CDH13: variants seen among roughly 807,000 people sequenced by gnomAD.
CDH13 encodes the protein cadherin 13, also known as cadherin-13.
A neutral mutation model predicts 63.8 loss-of-function variants in CDH13; 24 were observed. The observed-to-expected ratio is 0.38, with a 90% CI of 0.27 to 0.53. CDH13 has a LOEUF of 0.53. Ranked by LOEUF, CDH13 falls within the 20% of genes least tolerant of loss-of-function variation. The pLI is 0.85. For missense variants in CDH13, 1,049 were observed against 903.1 expected, an observed-to-expected ratio of 1.16 and a Z score of -2.07; for synonymous variants, 503 against 355.3, an observed-to-expected ratio of 1.42 and a Z score of -4.67.
intron 4 of CDH13, among the ~76,000 whole-genome samples, chr16:83,160,844 G>C (rs1037365385): frequency 6.6e-6 from 1 of 152,130 alleles, no homozygotes; most frequent in Admixed American, 6.5e-5. Context: ...TTAAACATCA[G>C]GTGAGAAAAA....
chr16:83,150,770 C>G (rs2036945797), intron 4 of CDH13, among the ~76,000 whole-genome samples: 1 of 152,186 alleles, frequency 6.6e-6, no homozygotes, highest in African/African-American at 2.4e-5. Context: ...AGGACAGATG[C>G]TTGATGAGGA....
intron 2 of CDH13, among the ~76,000 whole-genome samples, chr16:82,873,788 C>T (rs534721411): frequency 6.6e-6 from 1 of 152,182 alleles, no homozygotes; most frequent in Non-Finnish European, 1.5e-5. Flanking sequence ...GTGCTGGATG[C>T]CCACCAAAGA....
intron 5 of CDH13, among the ~76,000 whole-genome samples, chr16:83,285,563 CTATT>C (rs2089289165): frequency 9.2e-5 from 14 of 152,002 alleles, no homozygotes. Flanking sequence ...AATGTAATAA[CTATT>C]TACATAGCAT....
At chr16:83,387,989 G>A (rs2091707830) in intron 6 of CDH13, among the ~76,000 whole-genome samples, 1 of 152,076 alleles carries the variant, frequency 6.6e-6, no homozygotes, top group African/African-American at 2.4e-5. Flanking sequence ...GTTAACCTTT[G>A]TCTTATAGAC....
chr16:83,415,858 C>T (rs753648708), intron 6 of CDH13, among the ~76,000 whole-genome samples: 12 of 152,158 alleles, frequency 7.9e-5, no homozygotes, highest in Admixed American at 1.3e-4. Context: ...TAGGGATACT[C>T]ACTGTCACCA....
At chr16:82,701,925 G>C (rs1250263173) in intron 1 of CDH13, among the ~76,000 whole-genome samples, 5 of 152,144 alleles carry the variant, frequency 3.3e-5, no homozygotes, top group Admixed American at 6.5e-5. Context: ...TAGAATACAG[G>C]ATGGGTGGGT....
chr16:83,332,155 G>C (rs1247301747), intron 5 of CDH13, among the ~76,000 whole-genome samples: 1 of 151,858 alleles, frequency 6.6e-6, no homozygotes, highest in African/African-American at 2.4e-5. Flanking sequence ...AAATATATGT[G>C]ATGCAAATTT....
intron 1 of CDH13, among the ~76,000 whole-genome samples, chr16:82,641,460 A>G (rs963475930): frequency 2.6e-4 from 39 of 152,162 alleles, no homozygotes; most frequent in Admixed American, 3.3e-4. Flanking sequence ...GGTAGTGGTA[A>G]TTTTTAAAAC....
intron 5 of CDH13, among the ~76,000 whole-genome samples, chr16:83,302,279 C>T (rs1406801453): frequency 6.6e-6 from 1 of 152,196 alleles, no homozygotes; most frequent in East Asian, 1.9e-4. Context: ...TACTTTTAAC[C>T]TCCTGTTGCT....
chr16:83,056,131 T>A (rs1426643296), intron 3 of CDH13, among the ~76,000 whole-genome samples: 1 of 152,088 alleles, frequency 6.6e-6, no homozygotes, highest in African/African-American at 2.4e-5. Flanking sequence ...ATCAAGGAAA[T>A]GCAAAGGAAA....
chr16:82,673,690 G>A lies in CDH13; in HGVS notation c.45+46553G>A, dbSNP rs188770860. On this transcript the variant is annotated intron_variant, in intron 1 of 13. Coordinates refer to ENST00000567109, the MANE Select transcript of CDH13 (RefSeq NM_001257.5). ...ATTTAAACCTATGTTGAGAAATCGA[G>A]TATAGTTTAGTTAAACCTGTATATG... Among the ~76,000 whole-genome samples the A allele has an allele frequency of 7.9e-5, 12 of 152,338 alleles. No individual in the cohort carries two copies. The East Asian group carries it at 2.1e-3, about 27-fold the overall frequency.
At chr16:82,745,678 C>T (rs1183539284) in intron 1 of CDH13, among the ~76,000 whole-genome samples, 2 of 152,090 alleles carry the variant, frequency 1.3e-5, no homozygotes, top group African/African-American at 4.8e-5. Context: ...CCTTTTTCTC[C>T]CTTAGGTATA....
intron 5 of CDH13, among the ~76,000 whole-genome samples, chr16:83,292,189 G>C (rs2089481924): frequency 6.6e-6 from 1 of 152,206 alleles, no homozygotes; most frequent in Non-Finnish European, 1.5e-5. Context: ...CATGAACATA[G>C]ATATGGGCAA....
intron 1 of CDH13, among the ~76,000 whole-genome samples, chr16:82,699,665 A>C (rs1243569045): frequency 1.3e-5 from 2 of 152,228 alleles, no homozygotes; most frequent in Non-Finnish European, 2.9e-5. Context: ...TAATCAGTAC[A>C]CACATTTTGC....
chr16:83,261,032 T>C (rs1906925578), intron 5 of CDH13, among the ~76,000 whole-genome samples: 1 of 152,092 alleles, frequency 6.6e-6, no homozygotes, highest in Admixed American at 6.5e-5. Context: ...CTTTGGCCCT[T>C]GCAGTAGACC....
chr16:82,800,805 CAGAT>C (rs1403093194), intron 1 of CDH13, among the ~76,000 whole-genome samples: 2 of 152,172 alleles, frequency 1.3e-5, no homozygotes, highest in Non-Finnish European at 2.9e-5. Flanking sequence ...TTGGGAGTCT[CAGAT>C]GAGAAATCTG....
intron 4 of CDH13, chr16:83,180,813 T>C: frequency 8.4e-7 from 1 of 1,193,430 alleles, no homozygotes; most frequent in Non-Finnish European, 1.2e-6. Context: ...AGTCATTTGT[T>C]GGCTTGTTTA....
chr16:83,102,960 T>TCTTTTTCTTTTTTTTTTTTC (rs2034568725), intron 3 of CDH13, among the ~76,000 whole-genome samples: 1 of 120,002 alleles, frequency 8.3e-6, no homozygotes, highest in East Asian at 2.2e-4. Flanking sequence ...TTTTTTTTTT[T>TCTTTTTCTTTTTTTTTTTTC]TTTTTTTTTT....
intron 5 of CDH13, among the ~76,000 whole-genome samples, chr16:83,275,911 C>G (rs1029512147): frequency 6.6e-6 from 1 of 152,098 alleles, no homozygotes. Context: ...GAAGCACTTT[C>G]GTTTTTATGC....
Sources: gnomAD v4.1 joint callset for allele counts (sites outside exome capture counted in the v4.1 genomes callset) on GRCh38, gnomAD v4.1.1 for gene constraint, MANE v1.5 for transcripts, NCBI Gene and HGNC (gene_info 2026-07-23, HGNC 2026-07-21) for gene names.